Variants in TPST2 observed in about 807,000 individuals in gnomAD.
TPST2 encodes tyrosylprotein sulfotransferase 2.
A neutral mutation model predicts 27.8 loss-of-function variants in TPST2; 16 were observed. That is an observed-to-expected ratio of 0.58 (90% CI 0.39 to 0.88). The LOEUF (loss-of-function observed/expected upper bound fraction) is 0.88, where lower values mean the gene tolerates loss of function less well. Ranked by LOEUF, TPST2 falls within the 40% of genes least tolerant of loss-of-function variation. The pLI is 0.00. For missense variants in TPST2, 464 were observed against 543.1 expected, an observed-to-expected ratio of 0.85 and a Z score of 1.45; for synonymous variants, 229 against 231.7, an observed-to-expected ratio of 0.99 and a Z score of 0.10.
At chr22:26,556,371 T>TACTACTAAATACAAAATACAAAATA (rs2147212096) in intron 1 of TPST2, among the ~76,000 whole-genome samples, 1 of 152,230 alleles carries the variant, frequency 6.6e-6, no homozygotes, top group African/African-American at 2.4e-5. Context: ...AAACCCCGTC[T>TACTACTAAATACAAAATACAAAATA]CTACTAAAAT....
chr22:26,560,454 G>C (rs1168727453), intron 1 of TPST2: 3 of 719,802 alleles, frequency 4.2e-6, no homozygotes, highest in Non-Finnish European at 4.8e-6. Flanking sequence ...GCTCCACAGA[G>C]ACAGCGCCGG....
chr22:26,578,875 G>A (rs191906464), intron 1 of TPST2, among the ~76,000 whole-genome samples: 1,663 of 146,790 alleles, frequency 0.011, 37 homozygotes, highest in African/African-American at 0.04. Context: ...TTTTTGAGAC[G>A]GGGTCTCACT....
rs1269657360 is a variant in TPST2 at position 26,536,358 on chromosome 22, C to A, written c.971G>T (p.Gly324Val). Residue 324 changes from glycine to valine, a missense_variant, in exon 4 of 7, where the codon GGC (glycine) becomes GTC (valine). Physicochemically the swap from Gly to Val is moderately radical, Grantham distance 109 (BLOSUM62 -3). Coordinates refer to ENST00000338754, the MANE Select transcript of TPST2 (RefSeq NM_003595.5). ...AQIAPMLAQLGYDPYANPPNY... is the reference protein window; with the variant it reads ...AQIAPMLAQLVYDPYANPPNY... ...GGGGGGGTTTGCATAAGGGTCATAG[C>A]CGAGCTGAGCCAGCATGGGGGCGAT... is the stretch of plus-strand genomic sequence containing the variant. 1.2e-6 allele frequency: 2 copies of A among 1,611,254 alleles called. No homozygotes were observed. The highest frequency in any genetic ancestry group is 8.5e-7 in the Non-Finnish European group (1 of 1,177,524).
At chr22:26,587,621 T>C (rs1928392765) in intron 1 of TPST2, among the ~76,000 whole-genome samples, 1 of 152,118 alleles carries the variant, frequency 6.6e-6, no homozygotes, top group Non-Finnish European at 1.5e-5. Flanking sequence ...ATTACAGGTG[T>C]GAGCCTCCGT....
intron 1 of TPST2, among the ~76,000 whole-genome samples, chr22:26,582,414 C>G (rs894449116): frequency 6.6e-6 from 1 of 152,022 alleles, no homozygotes; most frequent in African/African-American, 2.4e-5. Flanking sequence ...GCAACAAGAT[C>G]GAAACTCCAT....
intron 1 of TPST2, among the ~76,000 whole-genome samples, chr22:26,582,153 G>C (rs1169590853): frequency 6.6e-6 from 1 of 152,178 alleles, no homozygotes; most frequent in East Asian, 1.9e-4. Context: ...TTAGCCGGGC[G>C]CTGTGGCTCA....
In TPST2 at chr22:26,544,025, T is replaced by C. The variant is rs935263211; in HGVS notation, c.-89+579A>G. Among the ~76,000 whole-genome samples, 3 of 152,282 alleles carry C rather than the reference T, an allele frequency of 2.0e-5. No homozygotes were observed. In the East Asian group the frequency reaches 5.8e-4, roughly 29 times the overall value. On this transcript the variant is annotated intron_variant, in intron 2 of 6. Transcript: ENST00000338754. ...TGGCAAGGGAGGTATCCTGGCATCC[T>C]CGCAGTGAGGATGATAGGTGAGGGC...
At chr22:26,559,485 CAT>C (rs1184740902) in intron 1 of TPST2, among the ~76,000 whole-genome samples, 18 of 152,330 alleles carry the variant, frequency 1.2e-4, no homozygotes, top group African/African-American at 3.8e-4. Flanking sequence ...TTCGTATAGT[CAT>C]AGTCAATTTT....
At chr22:26,556,647 A>T (rs1926810881) in intron 1 of TPST2, among the ~76,000 whole-genome samples, 1 of 152,194 alleles carries the variant, frequency 6.6e-6, no homozygotes, top group Admixed American at 6.5e-5. Flanking sequence ...GTCAATAAAG[A>T]TGTAATTTTC....
At chr22:26,528,395 T>A in intron 5 of TPST2, 133 bp from the exon 6 acceptor site, 1 of 1,139,492 alleles carries the variant, frequency 8.8e-7, no homozygotes, top group Non-Finnish European at 1.3e-6. Flanking sequence ...ACATCTACTA[T>A]GTGCCAGGTG....
chr22:26,580,505 C>T (rs1928059579), intron 1 of TPST2, among the ~76,000 whole-genome samples: 1 of 152,212 alleles, frequency 6.6e-6, no homozygotes, highest in African/African-American at 2.4e-5. Context: ...AAATTCCAAG[C>T]TTCTGAACAC....
chr22:26,541,250 C>A lies in TPST2; in HGVS notation c.381G>T (p.Gly127=). The change falls in exon 3 of 7, where the codon GGG becomes GGT. Residue 127 remains glycine, a synonymous_variant. Coordinates refer to ENST00000338754, the MANE Select transcript of TPST2 (RefSeq NM_003595.5). This position sits in a 1 kb window ranked among gnomAD's most constrained non-coding sequence, Gnocchi z 5.9. ...GREKLRLDEA[G]VTDEVLDAAM... ...CGGCGTCCAGCACCTCATCCGTCACCCCCGCCTCATCCAGCCGCAGCTTCT... is the reference window on the plus strand; with the variant it reads ...CGGCGTCCAGCACCTCATCCGTCACACCCGCCTCATCCAGCCGCAGCTTCT... 6.5e-7 allele frequency: 1 copy of A among 1,543,294 alleles called. No homozygotes were observed. The highest frequency in any genetic ancestry group is 8.7e-7 in the Non-Finnish European group (1 of 1,143,086).
intron 1 of TPST2, among the ~76,000 whole-genome samples, chr22:26,549,867 TAAAAAAAA>T (rs34355172): frequency 1.0e-5 from 1 of 97,136 alleles, no homozygotes; most frequent in Non-Finnish European, 2.0e-5. Flanking sequence ...CCCTCTCTAC[TAAAAAAAA>T]AAAAAAAAAA....
At chr22:26,558,111 T>A (rs1198667749) in intron 1 of TPST2, among the ~76,000 whole-genome samples, 5 of 140,070 alleles carry the variant, frequency 3.6e-5, no homozygotes, top group African/African-American at 1.1e-4. Flanking sequence ...TATATAAAAA[T>A]ATATATAATA....
intron 1 of TPST2, among the ~76,000 whole-genome samples, chr22:26,576,630 G>A (rs1927845745): frequency 6.6e-6 from 1 of 152,050 alleles, no homozygotes; most frequent in African/African-American, 2.4e-5. Flanking sequence ...TGTCTTTGTG[G>A]AGGAGGGGAA....
intron 6 of TPST2, among the ~76,000 whole-genome samples, chr22:26,526,773 T>C: frequency 6.6e-6 from 1 of 152,130 alleles, no homozygotes; most frequent in East Asian, 1.9e-4. Context: ...GTTCTTTTCT[T>C]TGGAATAGAA....
intron 1 of TPST2, among the ~76,000 whole-genome samples, chr22:26,584,536 C>T (rs1928260887): frequency 6.6e-6 from 1 of 151,958 alleles, no homozygotes; most frequent in Non-Finnish European, 1.5e-5. Context: ...TGTGGTGGCT[C>T]ACGCCTGTAA....
At chr22:26,558,231 C>CA (rs1569189066) in intron 1 of TPST2, among the ~76,000 whole-genome samples, 1 of 151,418 alleles carries the variant, frequency 6.6e-6, no homozygotes, top group Admixed American at 6.6e-5. Flanking sequence ...CACCATCTCC[C>CA]AGGTTCAAGT....
At chr22:26,566,353 C>T (rs2147225617) in intron 1 of TPST2, among the ~76,000 whole-genome samples, 1 of 152,172 alleles carries the variant, frequency 6.6e-6, no homozygotes, top group African/African-American at 2.4e-5. Context: ...GAGATCGAGA[C>T]CATCCTGGCC....
Sources: gnomAD v4.1 joint callset for allele counts (sites outside exome capture counted in the v4.1 genomes callset) on GRCh38, gnomAD v4.1.1 for gene constraint, Gnocchi (gnomAD v3.1) non-coding constraint, MANE v1.5 for transcripts, NCBI Gene and HGNC (gene_info 2026-07-23, HGNC 2026-07-21) for gene names.